The following UBAP1L variants were observed in gnomAD, a reference collection of about 807,000 sequenced individuals.
The protein encoded by UBAP1L is ubiquitin-associated protein 1-like.
In UBAP1L, 32 loss-of-function variants were observed where a neutral mutation model predicts 32.1. That is an observed-to-expected ratio of 1.00 (90% confidence interval 0.75 to 1.34). UBAP1L has a LOEUF of 1.34. UBAP1L is among the 40% of genes most tolerant of loss of function. UBAP1L has a pLI of 0.00. For missense variants in UBAP1L, 516 were observed against 540.5 expected, an observed-to-expected ratio of 0.95 and a Z score of 0.45; for synonymous variants, 243 against 250.2, an observed-to-expected ratio of 0.97 and a Z score of 0.27.
In UBAP1L at chr15:65,102,583, A is replaced by T. The variant is rs2140564568; in HGVS notation, c.222T>A (p.Pro74=). ...GGCTGACTAGCAAGAGCCAGGCTGG[A>T]GGGGCTGACGCTGTCCCCGGGTCAC... The part of the protein sequence containing the change: ...QCGDPGTASA[P]PAWLLLVSPE... Residue 74 remains proline (P), a synonymous_variant, in exon 3 of 6, where the codon CCT becomes CCA. Transcript: ENST00000559089. This position sits in a 1 kb window ranked among gnomAD's most constrained non-coding sequence, Gnocchi z 5.0. 6.5e-7 allele frequency: 1 copy of T among 1,545,946 alleles called. No homozygotes were observed. The highest frequency in any genetic ancestry group is 2.5e-5 in the East Asian group (1 of 40,390).
chr15:65,104,992 C>T lies in UBAP1L; in HGVS notation c.120+1104G>A, dbSNP rs538488587. On this transcript the variant is annotated intron_variant, in intron 2 of 5. Coordinates refer to ENST00000559089, the MANE Select transcript of UBAP1L (RefSeq NM_001163692.2). ...ACTGCACTCCAGCCTGGTGACAGAGCGAGACTCTGTCTCAAATGAAAAAAA... is the reference window on the plus strand; with the variant it reads ...ACTGCACTCCAGCCTGGTGACAGAGTGAGACTCTGTCTCAAATGAAAAAAA... The T allele has an allele frequency of 8.5e-5, 17 of 199,526 alleles. No homozygotes were observed. The East Asian group carries it at 2.2e-3, about 25-fold the overall frequency. The allele number at this position is 199,526 out of a possible 1,614,324, so 12.4% of individuals were successfully genotyped here.
intron 2 of UBAP1L, chr15:65,105,480 C>G (rs1566968032): frequency 2.5e-6 from 1 of 405,292 alleles, no homozygotes; most frequent in Admixed American, 3.5e-5. Context: ...GAGACTCTGT[C>G]TGAAAAAAAC....
Position 65,106,335 on chromosome 15 carries a change from G to T in UBAP1L, c.-120C>A. 8.0e-7 allele frequency: 1 copy of T among 1,250,690 alleles called. No individual in the cohort carries two copies. The highest frequency in any genetic ancestry group is 1.1e-6 in the Non-Finnish European group (1 of 942,176). 77.5% of individuals were successfully genotyped at this position (1,250,690 alleles called of 1,614,324 possible). A position where few individuals can be genotyped will look rare whatever the true frequency, so the allele number is the denominator to read the frequency against. Reference sequence around the variant, plus strand: ...AAATGGCCTCACTGCTCTCCTGTGTGGTCACTTAGCTGAGCCCCAAACAGC... The same window carrying T: ...AAATGGCCTCACTGCTCTCCTGTGTTGTCACTTAGCTGAGCCCCAAACAGC... On this transcript the variant is annotated 5_prime_UTR_variant, in exon 2 of 6. Transcript: ENST00000559089.
In UBAP1L at chr15:65,102,241, C is replaced by T. The variant is rs1489837229; in HGVS notation, c.564G>A (p.Pro188=). Residue 188 remains proline, a synonymous_variant, in exon 3 of 6, where the codon CCG becomes CCA. Transcript: ENST00000559089. This position sits in a 1 kb window ranked among gnomAD's most constrained non-coding sequence, Gnocchi z 5.0. ...CAGACCTGGGGGACTGCGCAGGGCT[C>T]GGGCACAGGCTCAGCGCGCGGTGGC... ...LRGHRALSLC[P]SPAQSPRSAS... is the part of the protein sequence containing the mutation. 24 of 1,274,548 alleles carry T rather than the reference C, an allele frequency of 1.9e-5. No individual in the cohort carries two copies. In the East Asian group the frequency reaches 3.2e-4, roughly 17 times the overall value. 79.0% of individuals were successfully genotyped at this position (1,274,548 alleles called of 1,614,324 possible). A position where few individuals can be genotyped will look rare whatever the true frequency, so the allele number is the denominator to read the frequency against.
chr15:65,113,064 T>C (rs1263279115), intron 1 of UBAP1L, among the ~76,000 whole-genome samples: 1 of 152,122 alleles, frequency 6.6e-6, no homozygotes, highest in African/African-American at 2.4e-5. Context: ...AATGACCATT[T>C]CAAAACCAAA....
intron 5 of UBAP1L, 128 bp from the exon 6 acceptor site, chr15:65,093,359 G>A: frequency 1.6e-6 from 2 of 1,215,386 alleles, no homozygotes; most frequent in Non-Finnish European, 2.2e-6. Context: ...GGCCACGTGA[G>A]CCTGATCCTG....
At position 65,102,280 on chromosome 15, in the gene UBAP1L, C is replaced by T. The variant is rs777098637; in HGVS notation, c.525G>A (p.Leu175=). 2.4e-5 allele frequency: 33 copies of T among 1,365,366 alleles called. No individual in the cohort carries two copies. The highest frequency in any genetic ancestry group is 2.7e-4 in the Middle Eastern group (1 of 3,730). 84.6% of individuals were successfully genotyped at this position (1,365,366 alleles called of 1,614,324 possible). ...GKLVSRPRAL[L]HGLRGHRALS... ...GCGCGCGGTGGCCGCGGAGGCCATG[C>T]AGGAGGGCGCGGGGCCGGGAGACCA... The change falls in exon 3 of 6, where the codon CTG becomes CTA. Residue 175 remains leucine (L), a synonymous_variant. Coordinates refer to ENST00000559089, the MANE Select transcript of UBAP1L (RefSeq NM_001163692.2). The surrounding 1 kb of genome is among the most constrained non-coding windows in gnomAD (Gnocchi z 5.0).
At chr15:65,104,288 AAG>A (rs1026238596) in intron 2 of UBAP1L, among the ~76,000 whole-genome samples, 1 of 151,724 alleles carries the variant, frequency 6.6e-6, no homozygotes, top group Non-Finnish European at 1.5e-5. Context: ...AAGAAAAGAA[AAG>A]AGAGAGAGAG....
In UBAP1L at chr15:65,099,675, C is replaced by T; in HGVS notation, c.739G>A (p.Ala247Thr). 2 of 1,550,624 alleles carry T rather than the reference C, an allele frequency of 1.3e-6. No homozygotes were observed. The highest frequency in any genetic ancestry group is 1.7e-6 in the Non-Finnish European group (2 of 1,146,386). Reference protein sequence around the residue: ...PYTCLPPLGGAPQPLNPHKSH... With the variant: ...PYTCLPPLGGTPQPLNPHKSH... ...TTGTGGGGGTTGAGAGGTTGGGGTG[C>T]CCCCCCAAGAGGTGGCAGACAGGTG... The change falls in exon 4 of 6, where the codon GCA (alanine) becomes ACA (threonine). Residue 247 changes from alanine to threonine, a missense_variant. By Grantham distance (58) the Ala-to-Thr change is moderately conservative. Transcript: ENST00000559089.
chr15:65,105,622 G>A (rs1452566972), intron 2 of UBAP1L: 12 of 656,146 alleles, frequency 1.8e-5, no homozygotes, highest in South Asian at 9.7e-5. Flanking sequence ...AAGAACACTC[G>A]TGAAACTGTC....
chr15:65,092,965 G>T lies in UBAP1L; in HGVS notation c.*132C>A, dbSNP rs2087134489. Reference sequence around the variant, plus strand: ...CTGCTGCTGTTAACTGTCACCCTTGGTATTATTTGTGTTTTTACAATAAGT... The same window carrying T: ...CTGCTGCTGTTAACTGTCACCCTTGTTATTATTTGTGTTTTTACAATAAGT... On this transcript the variant is annotated 3_prime_UTR_variant, in exon 6 of 6. Transcript: ENST00000559089. 1 of 1,225,824 alleles carries T rather than the reference G, an allele frequency of 8.2e-7. No homozygotes were observed. The allele number at this position is 1,225,824 out of a possible 1,614,324, so 75.9% of individuals were successfully genotyped here. A position where few individuals can be genotyped will look rare whatever the true frequency, so the allele number is the denominator to read the frequency against.
chr15:65,106,347 G>T lies in UBAP1L; in HGVS notation c.-132C>A. The T allele has an allele frequency of 8.8e-7, 1 of 1,133,024 alleles. No homozygotes were observed. The highest frequency in any genetic ancestry group is 1.2e-6 in the Non-Finnish European group (1 of 840,614). The allele number at this position is 1,133,024 out of a possible 1,614,324, so 70.2% of individuals were successfully genotyped here. ...TGCTCTCCTGTGTGGTCACTTAGCT[G>T]AGCCCCAAACAGCTGGAAAGGAAAA... On this transcript the variant is annotated 5_prime_UTR_variant, in exon 2 of 6. Coordinates refer to ENST00000559089, the MANE Select transcript of UBAP1L (RefSeq NM_001163692.2).
intron 2 of UBAP1L, among the ~76,000 whole-genome samples, chr15:65,104,321 AAAGAG>A (rs199681416): frequency 0.011 from 1,702 of 152,082 alleles, 24 homozygotes; most frequent in African/African-American, 0.034. Context: ...AGAGAGAGAG[AAAGAG>A]AAGAGAAGAG....
At chr15:65,099,826 C>T (rs1484972697) in intron 3 of UBAP1L, 112 bp from the exon 4 acceptor site, 2 of 889,512 alleles carry the variant, frequency 2.2e-6, no homozygotes, top group African/African-American at 3.4e-5. Context: ...AGTGTAGGGG[C>T]TAATATTATG....
intron 2 of UBAP1L, 29 bp downstream of exon 2, chr15:65,106,067 A>C: frequency 6.4e-7 from 1 of 1,550,590 alleles, no homozygotes; most frequent in Non-Finnish European, 8.7e-7. Context: ...CCACAGACCC[A>C]GAAGACAGAA....
chr15:65,109,419 C>T (rs1165132405), intron 1 of UBAP1L, among the ~76,000 whole-genome samples: 1 of 122,734 alleles, frequency 8.1e-6, no homozygotes, highest in Non-Finnish European at 1.6e-5. Flanking sequence ...GGAGGCGGAG[C>T]TTGCAGTGAG....
Position 65,102,172 on chromosome 15 carries a change from CGCGGGGGCGGCGGGGT to C in UBAP1L, c.617_632del (p.His206ArgfsTer58), listed in dbSNP as rs2087248030. 1 of 1,194,288 alleles carries C rather than the reference CGCGGGGGCGGCGGGGT, an allele frequency of 8.4e-7. No homozygotes were observed. The highest frequency in any genetic ancestry group is 1.0e-6 in the Non-Finnish European group (1 of 962,924). The allele number at this position is 1,194,288 out of a possible 1,614,324, so 74.0% of individuals were successfully genotyped here. A position where few individuals can be genotyped will look rare whatever the true frequency, so the allele number is the denominator to read the frequency against. ...CTGCCGTGGAGGGCCGCGGGGGCGA[CGCGGGGGCGGCGGGGT>C]GCTGGGGCGCGGGCCCCGGGGGTGA... On this transcript the variant is annotated frameshift_variant, in exon 3 of 6. Transcript: ENST00000559089. LOFTEE classifies it high-confidence loss of function. The surrounding 1 kb of genome is among the most constrained non-coding windows in gnomAD (Gnocchi z 5.0).
At position 65,092,972 on chromosome 15, in the gene UBAP1L, T is replaced by C; in HGVS notation, c.*125A>G. On this transcript the variant is annotated 3_prime_UTR_variant, in exon 6 of 6. Coordinates refer to ENST00000559089, the MANE Select transcript of UBAP1L (RefSeq NM_001163692.2). ...TGTTAACTGTCACCCTTGGTATTAT[T>C]TGTGTTTTTACAATAAGTATGCATC... 7.9e-7 allele frequency: 1 copy of C among 1,271,270 alleles called. No homozygotes were observed. Among genetic ancestry groups the C allele is most frequent in the South Asian group, 1.6e-5 (1 of 63,714 alleles). The allele number at this position is 1,271,270 out of a possible 1,614,324, so 78.7% of individuals were successfully genotyped here.
intron 1 of UBAP1L, among the ~76,000 whole-genome samples, chr15:65,109,482 CAAAAAAAAAAAAAA>C (rs571155403): frequency 1.6e-5 from 1 of 63,142 alleles, no homozygotes; most frequent in Non-Finnish European, 2.7e-5. Context: ...GAATCTGTCT[CAAAAAAAAAAAAAA>C]AAAAAAAAAC....
Sources: allele counts gnomAD v4.1 joint callset (sites outside exome capture counted in the v4.1 genomes callset), GRCh38; gene constraint gnomAD v4.1.1; non-coding constraint Gnocchi (gnomAD v3.1); transcripts MANE v1.5; gene names NCBI Gene and HGNC (gene_info 2026-07-23, HGNC 2026-07-21).